The following USP22 variants were observed in gnomAD, a reference collection of about 807,000 sequenced individuals.
The protein encoded by USP22 is ubiquitin carboxyl-terminal hydrolase 22.
In USP22, 22 loss-of-function variants were observed where a neutral mutation model predicts 68.1. That is an observed-to-expected ratio of 0.32 (90% CI 0.23 to 0.46). USP22 has a LOEUF of 0.46. Among genes scored for constraint, USP22 ranks in the 20% least tolerant of loss-of-function variants. USP22 has a pLI of 1.00. For synonymous variants in USP22, 279 were observed against 274.2 expected, an observed-to-expected ratio of 1.02 and a Z score of -0.17; for missense variants, 433 against 695.8, an observed-to-expected ratio of 0.62 and a Z score of 4.25.
intron 1 of USP22, among the ~76,000 whole-genome samples, chr17:21,040,408 G>A (rs1465708656): frequency 6.6e-6 from 1 of 152,100 alleles, no homozygotes; most frequent in African/African-American, 2.4e-5. Context: ...AAGCATGGAG[G>A]GCTTAAGGGC....
intron 2 of USP22, among the ~76,000 whole-genome samples, chr17:21,023,424 G>T (rs1012388807): frequency 5.3e-5 from 8 of 152,144 alleles, no homozygotes; most frequent in Non-Finnish European, 1.5e-5. Flanking sequence ...AGGCTGAGGT[G>T]AGTGGATCAC....
At position 21,041,836 on chromosome 17, in the gene USP22, G is replaced by A. The variant is rs1047221501; in HGVS notation, c.171+829C>T. Among the ~76,000 whole-genome samples the A allele has an allele frequency of 2.0e-5, 3 of 152,266 alleles. No homozygotes were observed. The East Asian group carries it at 5.8e-4, about 29-fold the overall frequency. On this transcript the variant is annotated intron_variant, in intron 1 of 12. Transcript: ENST00000261497. ...TACCAAGCCTAACTGCGGGACGCAA[G>A]ACTGGGCTCCCCGAGGGGACTCACT...
At position 21,002,900 on chromosome 17, in the gene USP22, T is replaced by G; in HGVS notation, c.*131A>C. ...GGGTCCCAGGTGCAGAGGGGCCACA[T>G]CTGCATGGGAGGTGGTGTCACCAGG... On this transcript the variant is annotated 3_prime_UTR_variant, in exon 13 of 13. Coordinates refer to ENST00000261497, the MANE Select transcript of USP22 (RefSeq NM_015276.2). 1 of 1,123,064 alleles carries G rather than the reference T, an allele frequency of 8.9e-7. No individual in the cohort carries two copies. Among genetic ancestry groups the G allele is most frequent in the Non-Finnish European group, 1.3e-6 (1 of 756,380 alleles). 69.6% of individuals were successfully genotyped at this position (1,123,064 alleles called of 1,614,324 possible).
In USP22 at chr17:21,015,777, C is replaced by G. The variant is rs757690137; in HGVS notation, c.813G>C (p.Leu271=). ...QDAHEFLIAA[L]DVLHRHCKGD... The stretch of plus-strand genomic sequence containing the variant: ...CTTTGCAGTGTCGGTGGAGCACGTC[C>G]AGGGCCGCGATGAGGAACTCGTGGG... The change falls in exon 6 of 13, where the codon CTG becomes CTC. Residue 271 remains leucine (L), a synonymous_variant. Transcript: ENST00000261497. 1.4e-5 allele frequency: 23 copies of G among 1,613,396 alleles called. No individual in the cohort carries two copies. Among genetic ancestry groups the G allele is most frequent in the Non-Finnish European group, 1.9e-5 (22 of 1,179,978 alleles).
intron 10 of USP22, among the ~76,000 whole-genome samples, chr17:21,005,307 T>G (rs891542079): frequency 2.6e-5 from 4 of 152,144 alleles, no homozygotes; most frequent in African/African-American, 9.7e-5. Context: ...ACAAAGCAGA[T>G]GGTGAAGGTG....
intron 10 of USP22, 132 bp from the exon 11 acceptor site, chr17:21,005,122 G>T: frequency 2.0e-6 from 2 of 1,018,966 alleles, no homozygotes; most frequent in Non-Finnish European, 2.9e-6. Flanking sequence ...TATGCTTCAG[G>T]CAGAAATCTC....
chr17:21,003,120 CA>C, intron 12 of USP22, 47 bp from the exon 13 acceptor site: 1 of 1,610,336 alleles, frequency 6.2e-7, no homozygotes, highest in Non-Finnish European at 8.5e-7. Context: ...ACTCCTAAGA[CA>C]GGAGCCAGAA....
At chr17:21,003,189 C>T (rs975239306) in intron 12 of USP22, 116 bp from the exon 13 acceptor site, 48 of 1,273,904 alleles carry the variant, frequency 3.8e-5, no homozygotes, top group African/African-American at 5.9e-5. Context: ...CGGCCAGGCC[C>T]GAGTTGATGG....
chr17:21,023,696 T>C (rs532513521), intron 2 of USP22, among the ~76,000 whole-genome samples: 1 of 149,568 alleles, frequency 6.7e-6, no homozygotes, highest in South Asian at 2.1e-4. Flanking sequence ...ATCCACGTGA[T>C]GTCAGACACC....
intron 1 of USP22, among the ~76,000 whole-genome samples, chr17:21,040,733 G>A (rs1972417603): frequency 6.6e-6 from 1 of 152,088 alleles, no homozygotes; most frequent in Non-Finnish European, 1.5e-5. Flanking sequence ...GGAGGGAACG[G>A]AAAAAGAAAA....
intron 1 of USP22, among the ~76,000 whole-genome samples, chr17:21,036,358 C>T (rs1036178166): frequency 1.2e-4 from 18 of 152,060 alleles, no homozygotes; most frequent in Admixed American, 1.2e-3. Flanking sequence ...ACTGATGAGG[C>T]CCTATGGAAT....
Position 21,008,650 on chromosome 17 carries a change from C to T in USP22, c.1104-654G>A, listed in dbSNP as rs539806913. ...GGCACTGGAGATGCTGGGTACTTTC[C>T]GCATGAATGTCTGAATCCTGGCCAG... On this transcript the variant is annotated intron_variant, in intron 8 of 12. Transcript: ENST00000261497. Among the ~76,000 whole-genome samples the T allele has an allele frequency of 7.2e-5, 11 of 152,266 alleles. No homozygotes were observed. The South Asian group carries it at 1.9e-3, about 26-fold the overall frequency.
At chr17:21,041,157 A>C (rs1191298626) in intron 1 of USP22, among the ~76,000 whole-genome samples, 4 of 151,710 alleles carry the variant, frequency 2.6e-5, no homozygotes, top group Non-Finnish European at 5.9e-5. Flanking sequence ...TGCTGGGATT[A>C]CAGGCGTCAG....
chr17:21,007,747 G>T (rs1401556846), intron 9 of USP22, 123 bp downstream of exon 9: 3 of 1,251,432 alleles, frequency 2.4e-6, no homozygotes, highest in Admixed American at 1.9e-5. Flanking sequence ...TCCCTTCCTC[G>T]GTGTTCTTCC....
rs1398144208 is a variant in USP22 at position 21,001,935 on chromosome 17, G to C, written c.*1096C>G. ...CATTTTACTGCCACCACGCCCGAAA[G>C]TACACCAAATGTAAAGCAGAGGCAG... On this transcript the variant is annotated 3_prime_UTR_variant, in exon 13 of 13. Coordinates refer to ENST00000261497, the MANE Select transcript of USP22 (RefSeq NM_015276.2). 1 of 152,210 alleles carries C rather than the reference G, an allele frequency of 6.6e-6. No individual in the cohort carries two copies. The highest frequency in any genetic ancestry group is 2.4e-5 in the African/African-American group (1 of 41,450). The allele number at this position is 152,210 out of a possible 1,614,324, so 9.4% of individuals were successfully genotyped here. A position where few individuals can be genotyped will look rare whatever the true frequency, so the allele number is the denominator to read the frequency against.
intron 2 of USP22, among the ~76,000 whole-genome samples, chr17:21,027,310 A>AAAAAAAAAAAAAAAAAAAAAAAAAAG (rs58703783): frequency 6.9e-6 from 1 of 144,278 alleles, no homozygotes; most frequent in Non-Finnish European, 1.6e-5. Flanking sequence ...AAAAAAAAAA[A>AAAAAAAAAAAAAAAAAAAAAAAAAAG]TCAGACACAC....
At chr17:21,012,676 C>T (rs1357801877) in intron 7 of USP22, among the ~76,000 whole-genome samples, 154 bp downstream of exon 7, 1 of 151,604 alleles carries the variant, frequency 6.6e-6, no homozygotes, top group Admixed American at 6.6e-5. Context: ...GAAGCACCCC[C>T]ACCCCACAAC....
intron 1 of USP22, 148 bp downstream of exon 1, chr17:21,042,517 G>C (rs111659264): frequency 1.4e-6 from 1 of 734,846 alleles, no homozygotes; most frequent in Admixed American, 4.4e-5. Flanking sequence ...GGGGTAAAGA[G>C]AAGAGAGGGC....
At chr17:21,037,217 G>A (rs1307064096) in intron 1 of USP22, among the ~76,000 whole-genome samples, 1 of 152,184 alleles carries the variant, frequency 6.6e-6, no homozygotes, top group East Asian at 1.9e-4. Flanking sequence ...ACACGAGTGA[G>A]GATCAGCAAA....
Sources: allele counts gnomAD v4.1 joint callset (sites outside exome capture counted in the v4.1 genomes callset), GRCh38; gene constraint gnomAD v4.1.1; transcripts MANE v1.5; gene names NCBI Gene and HGNC (gene_info 2026-07-23, HGNC 2026-07-21).